The following KIAA1958 variants were observed in gnomAD, a reference collection of about 807,000 sequenced individuals.
KIAA1958 encodes uncharacterized protein KIAA1958.
KIAA1958 carries 14 observed loss-of-function variants against 47.2 expected under a neutral mutation model. That is an observed-to-expected ratio of 0.30 (90% CI 0.20 to 0.46). The LOEUF is 0.46. Among genes scored for constraint, KIAA1958 ranks in the 20% least tolerant of loss-of-function variants. The pLI, the probability that KIAA1958 is intolerant of heterozygous loss-of-function variation, is 1.00. For synonymous variants in KIAA1958, 354 were observed against 353.3 expected, an observed-to-expected ratio of 1.00 and a Z score of -0.02; for missense variants, 803 against 909.2, an observed-to-expected ratio of 0.88 and a Z score of 1.50.
At chr9:112,563,049 C>G (rs1296228869) in intron 1 of KIAA1958, among the ~76,000 whole-genome samples, 2 of 122,624 alleles carry the variant, frequency 1.6e-5, no homozygotes, top group South Asian at 2.8e-4. Context: ...CTCTTTCTCT[C>G]TCTCTCTCTG....
chr9:112,569,290 A>T (rs1052125891), intron 1 of KIAA1958, among the ~76,000 whole-genome samples: 1 of 152,232 alleles, frequency 6.6e-6, no homozygotes, highest in Non-Finnish European at 1.5e-5. Flanking sequence ...ACTCATACAG[A>T]GACCACAAAT....
intron 3 of KIAA1958, among the ~76,000 whole-genome samples, chr9:112,652,426 C>G (rs952334741): frequency 2.0e-5 from 3 of 152,086 alleles, no homozygotes; most frequent in African/African-American, 7.2e-5. Context: ...ACAACACGGG[C>G]CAGAATGAAC....
At chr9:112,652,645 G>A (rs1057499614) in intron 3 of KIAA1958, among the ~76,000 whole-genome samples, 2 of 151,888 alleles carry the variant, frequency 1.3e-5, no homozygotes, top group African/African-American at 2.4e-5. Flanking sequence ...CTTTTGAGAC[G>A]GTCTTACTCT....
At chr9:112,533,715 G>A (rs991640928) in intron 1 of KIAA1958, among the ~76,000 whole-genome samples, 1 of 152,156 alleles carries the variant, frequency 6.6e-6, no homozygotes, top group Non-Finnish European at 1.5e-5. Context: ...TAGAATGAGT[G>A]CAGGCGGGGG....
intron 2 of KIAA1958, among the ~76,000 whole-genome samples, chr9:112,639,659 C>A (rs182774840): frequency 6.6e-6 from 1 of 152,282 alleles, no homozygotes; most frequent in East Asian, 1.9e-4. Flanking sequence ...TGACTCAAGC[C>A]CTGTAACTGC....
chr9:112,535,072 A>AT (rs1353620318), intron 1 of KIAA1958, among the ~76,000 whole-genome samples: 2 of 152,246 alleles, frequency 1.3e-5, no homozygotes, highest in Non-Finnish European at 2.9e-5. Flanking sequence ...ACTAAGTAAC[A>AT]TCTCTATTAC....
At chr9:112,518,321 A>G (rs952271885) in intron 1 of KIAA1958, among the ~76,000 whole-genome samples, 14 of 152,256 alleles carry the variant, frequency 9.2e-5, no homozygotes, top group African/African-American at 2.4e-4. Context: ...CCAAATATCT[A>G]TTAGCAAGTG....
chr9:112,532,912 C>G (rs1834774973), intron 1 of KIAA1958, among the ~76,000 whole-genome samples: 1 of 152,140 alleles, frequency 6.6e-6, no homozygotes, highest in Non-Finnish European at 1.5e-5. Flanking sequence ...GTTTACAAAA[C>G]TTTCCAAATT....
intron 1 of KIAA1958, among the ~76,000 whole-genome samples, chr9:112,515,894 T>TAAAA (rs58492221): frequency 0.28 from 27,070 of 96,222 alleles, 3,954 homozygotes; most frequent in East Asian, 0.34. Flanking sequence ...AAAAATAAAT[T>TAAAA]AAAAAAAAAA....
At chr9:112,659,184 C>G (rs1053224928) in intron 3 of KIAA1958, 79 bp from the exon 4 acceptor site, 3 of 1,178,276 alleles carry the variant, frequency 2.5e-6, no homozygotes, top group African/African-American at 3.0e-5. Context: ...CAACACAGCC[C>G]CTGGTGAGGA....
intron 1 of KIAA1958, among the ~76,000 whole-genome samples, chr9:112,531,498 T>G (rs1834751542): frequency 6.6e-6 from 1 of 152,226 alleles, no homozygotes; most frequent in South Asian, 2.1e-4. Context: ...ATCTATTAAG[T>G]CATATGACAC....
intron 1 of KIAA1958, among the ~76,000 whole-genome samples, chr9:112,571,791 A>AT (rs1835539337): frequency 2.0e-5 from 3 of 151,272 alleles, no homozygotes; most frequent in Admixed American, 6.6e-5. Flanking sequence ...TTAAAAAATA[A>AT]AAAATAAATA....
chr9:112,591,692 A>C (rs751706792), intron 2 of KIAA1958, among the ~76,000 whole-genome samples: 81 of 152,080 alleles, frequency 5.3e-4, no homozygotes, highest in Non-Finnish European at 9.9e-4. Flanking sequence ...CAGGAGTTTG[A>C]GACCATTCCG....
intron 2 of KIAA1958, chr9:112,617,989 A>C: frequency 1.1e-5 from 17 of 1,550,534 alleles, no homozygotes; most frequent in Non-Finnish European, 1.5e-5. Flanking sequence ...CTTCTGAAAC[A>C]AGAGAGATTT....
At chr9:112,593,670 C>T (rs1223301477) in intron 2 of KIAA1958, among the ~76,000 whole-genome samples, 2 of 152,058 alleles carry the variant, frequency 1.3e-5, no homozygotes, top group Non-Finnish European at 2.9e-5. Flanking sequence ...ACCTTGGCCT[C>T]TGAAAGTGCT....
intron 1 of KIAA1958, among the ~76,000 whole-genome samples, chr9:112,543,680 C>G (rs1276029844): frequency 6.6e-6 from 1 of 150,506 alleles, no homozygotes; most frequent in African/African-American, 2.4e-5. Flanking sequence ...TCAAGTGATT[C>G]TCCTGCCTCA....
At chr9:112,629,325 T>C (rs1836670332) in intron 2 of KIAA1958, among the ~76,000 whole-genome samples, 1 of 152,318 alleles carries the variant, frequency 6.6e-6, no homozygotes, top group South Asian at 2.1e-4. Context: ...TAGATAGTTA[T>C]TTTTATATAT....
intron 1 of KIAA1958, among the ~76,000 whole-genome samples, chr9:112,545,549 T>TG (rs1430214320): frequency 6.6e-6 from 1 of 152,214 alleles, no homozygotes; most frequent in Non-Finnish European, 1.5e-5. Context: ...ATATTTTACT[T>TG]GACATTTATC....
chr9:112,638,568 C>T (rs1260429048), intron 2 of KIAA1958, among the ~76,000 whole-genome samples: 3 of 151,968 alleles, frequency 2.0e-5, no homozygotes, highest in Non-Finnish European at 4.4e-5. Context: ...TGTTATTCTA[C>T]GTGCCTACAT....
Sources: gnomAD v4.1 joint callset for allele counts (sites outside exome capture counted in the v4.1 genomes callset) on GRCh38, gnomAD v4.1.1 for gene constraint, MANE v1.5 for transcripts, NCBI Gene and HGNC (gene_info 2026-07-23, HGNC 2026-07-21) for gene names.